Variants in FUNDC2 observed in about 807,000 individuals in gnomAD.
The protein encoded by FUNDC2 is FUN14 domain-containing protein 2.
In FUNDC2, 4 loss-of-function variants were observed where a neutral mutation model predicts 15.6. The observed-to-expected ratio is 0.26, with a 90% CI of 0.13 to 0.59. FUNDC2 has a LOEUF of 0.59. FUNDC2 is among the 20% of genes least tolerant of loss of function. The pLI is 0.90. For synonymous variants in FUNDC2, 44 were observed against 56.9 expected, an observed-to-expected ratio of 0.77 and a Z score of 1.02; for missense variants, 98 against 149.7, an observed-to-expected ratio of 0.65 and a Z score of 1.80.
chrX:155,037,629 G>A (rs1419208117), intron 2 of FUNDC2, among the ~76,000 whole-genome samples: 1 of 110,236 alleles, frequency 9.1e-6, no homozygotes, highest in African/African-American at 3.3e-5. Context: ...GACTACAGGC[G>A]TGAACCATCA....
chrX:155,039,240 A>G lies in FUNDC2; in HGVS notation c.284+5687A>G, dbSNP rs782575333. Among the ~76,000 whole-genome samples the G allele has an allele frequency of 3.6e-5, 4 of 112,244 alleles. No homozygotes were observed. In the South Asian group the frequency reaches 1.1e-3, roughly 31 times the overall value. On this transcript the variant is annotated intron_variant, in intron 2 of 4. Coordinates refer to ENST00000369498, the MANE Select transcript of FUNDC2 (RefSeq NM_023934.4). The stretch of plus-strand genomic sequence containing the variant: ...ACAATTGAGTTGTTTAATCCCTTGT[A>G]TATCTTTTATATTAATCTCTTATCA...
At chrX:155,040,443 C>T (rs1262901572) in intron 2 of FUNDC2, among the ~76,000 whole-genome samples, 29 of 111,655 alleles carry the variant, frequency 2.6e-4, no homozygotes, top group African/African-American at 9.1e-4. Context: ...GCTGAACTTT[C>T]GTGTTTGGCT....
chrX:155,044,458 G>C (rs782556666), intron 2 of FUNDC2, among the ~76,000 whole-genome samples: 1 of 111,908 alleles, frequency 8.9e-6, no homozygotes, highest in African/African-American at 3.2e-5. Context: ...GGAAAACCAA[G>C]AGAGAATGGT....
At chrX:155,028,155 G>A (rs2073802271) in intron 1 of FUNDC2, among the ~76,000 whole-genome samples, 1 of 83,127 alleles carries the variant, frequency 1.2e-5, no homozygotes, top group South Asian at 5.7e-4. Flanking sequence ...ATTGTTGTGA[G>A]AAATTTTGAG....
intron 3 of FUNDC2, chrX:155,047,001 T>C: frequency 4.8e-6 from 1 of 209,900 alleles, no homozygotes; most frequent in Non-Finnish European, 8.9e-6. Flanking sequence ...TACAGTCAGA[T>C]GTCGTCTGCT....
intron 3 of FUNDC2, 94 bp from the exon 4 acceptor site, chrX:155,051,575 GA>G: frequency 2.1e-6 from 2 of 958,747 alleles, no homozygotes; most frequent in Middle Eastern, 7.7e-4. Flanking sequence ...TGGAAAGTCA[GA>G]GGGTTTCGAG....
intron 4 of FUNDC2, among the ~76,000 whole-genome samples, chrX:155,052,910 A>C (rs1411701310): frequency 8.9e-6 from 1 of 112,557 alleles, no homozygotes; most frequent in African/African-American, 3.2e-5. Flanking sequence ...GAGAGGTCTC[A>C]CTCTGTTGCC....
chrX:155,039,739 C>CTA (rs782050674), intron 2 of FUNDC2, among the ~76,000 whole-genome samples: 167 of 112,101 alleles, frequency 1.5e-3, no homozygotes, highest in African/African-American at 5.2e-3. Context: ...GTTTTGGTTA[C>CTA]TATAGCTTTG....
Position 155,029,805 on chromosome X carries a change from G to A in FUNDC2, c.133+2734G>A, listed in dbSNP as rs782711377. Among the ~76,000 whole-genome samples the A allele has an allele frequency of 5.5e-5, 6 of 109,127 alleles. No individual in the cohort carries two copies. In the East Asian group the frequency reaches 1.7e-3, roughly 31 times the overall value. The allele number at this position is 109,127 out of a possible 115,157, so 94.8% of individuals were successfully genotyped here. A position where few individuals can be genotyped will look rare whatever the true frequency, so the allele number is the denominator to read the frequency against. ...AAAAACCTACTTTTTAATTGAGATTGTATTGAATATATAGATCAATATATG... is the reference window on the plus strand; with the variant it reads ...AAAAACCTACTTTTTAATTGAGATTATATTGAATATATAGATCAATATATG... On this transcript the variant is annotated intron_variant, in intron 1 of 4. Coordinates refer to ENST00000369498, the MANE Select transcript of FUNDC2 (RefSeq NM_023934.4).
intron 4 of FUNDC2, among the ~76,000 whole-genome samples, chrX:155,052,723 A>C (rs1557290582): frequency 8.9e-6 from 1 of 112,205 alleles, no homozygotes; most frequent in African/African-American, 3.2e-5. Flanking sequence ...AGAGATGGGT[A>C]TCTACAGGAG....
At chrX:155,027,182 A>C in intron 1 of FUNDC2, 111 bp downstream of exon 1, 1 of 856,611 alleles carries the variant, frequency 1.2e-6, no homozygotes, top group Non-Finnish European at 1.5e-6. Flanking sequence ...GGGGAGTCCA[A>C]GCGGCGCGGG....
Position 155,057,681 on chromosome X carries a change from T to C in FUNDC2, c.*3009T>C, listed in dbSNP as rs1213665712. Reference sequence around the variant, plus strand: ...TCAGGGACCCCTTCTGTCCCCTTCCTGGCTACTATGGGTCGGCCCTGCGTC... The same window carrying C: ...TCAGGGACCCCTTCTGTCCCCTTCCCGGCTACTATGGGTCGGCCCTGCGTC... On this transcript the variant is annotated 3_prime_UTR_variant, in exon 5 of 5. Coordinates refer to ENST00000369498, the MANE Select transcript of FUNDC2 (RefSeq NM_023934.4). The C allele has an allele frequency of 8.9e-6, 1 of 112,063 alleles. No homozygotes were observed. The highest frequency in any genetic ancestry group is 2.8e-4 in the East Asian group (1 of 3,554). 9.2% of individuals were successfully genotyped at this position (112,063 alleles called of 1,213,427 possible).
chrX:155,030,473 T>G, intron 1 of FUNDC2, among the ~76,000 whole-genome samples: 1 of 109,884 alleles, frequency 9.1e-6, no homozygotes, highest in East Asian at 2.8e-4. Flanking sequence ...CCCAGAAGTT[T>G]GAAGTTGCAG....
chrX:155,027,729 C>T (rs782465541), intron 1 of FUNDC2, among the ~76,000 whole-genome samples: 2 of 111,866 alleles, frequency 1.8e-5, no homozygotes, highest in Non-Finnish European at 3.8e-5. Context: ...ACTAAAAACT[C>T]ATCACTTTTA....
intron 4 of FUNDC2, chrX:155,054,155 C>T (rs2073886836): frequency 8.0e-6 from 6 of 753,804 alleles, no homozygotes; most frequent in African/African-American, 6.9e-5. Flanking sequence ...GGAGAGACTT[C>T]AGGAAATGAG....
In FUNDC2 at chrX:155,057,404, A is replaced by AGAG. The variant is rs1303681402; in HGVS notation, c.*2733_*2735dup. Reference sequence around the variant, plus strand: ...CTAGGCACGTATTTTCTCCAGTAGCAGAGTCCAATGACGCTCTGGACTTCC... The same window carrying AGAG: ...CTAGGCACGTATTTTCTCCAGTAGCAGAGGAGTCCAATGACGCTCTGGACTTCC... On this transcript the variant is annotated 3_prime_UTR_variant, in exon 5 of 5. Coordinates refer to ENST00000369498, the MANE Select transcript of FUNDC2 (RefSeq NM_023934.4). 1 of 111,445 alleles carries AGAG rather than the reference A, an allele frequency of 9.0e-6. No individual in the cohort carries two copies. Among genetic ancestry groups the AGAG allele is most frequent in the South Asian group, 3.7e-4 (1 of 2,685 alleles). 9.2% of individuals were successfully genotyped at this position (111,445 alleles called of 1,213,427 possible). A position where few individuals can be genotyped will look rare whatever the true frequency, so the allele number is the denominator to read the frequency against.
intron 1 of FUNDC2, among the ~76,000 whole-genome samples, chrX:155,030,031 C>T (rs1202626725): frequency 9.0e-6 from 1 of 111,016 alleles, no homozygotes; most frequent in East Asian, 2.8e-4. Flanking sequence ...TTTTCCAATT[C>T]ATCATTTCTA....
intron 1 of FUNDC2, among the ~76,000 whole-genome samples, chrX:155,030,369 A>AG: frequency 1.0e-5 from 1 of 96,249 alleles, no homozygotes; most frequent in East Asian, 3.1e-4. Flanking sequence ...CCTGTCTACA[A>AG]AAAAAAAAAA....
At chrX:155,031,466 A>G (rs1557288734) in intron 1 of FUNDC2, among the ~76,000 whole-genome samples, 2 of 111,388 alleles carry the variant, frequency 1.8e-5, no homozygotes, top group African/African-American at 6.5e-5. Flanking sequence ...AGTAGCTGGG[A>G]CTACAGGCAC....
Sources: gnomAD v4.1 joint callset for allele counts (sites outside exome capture counted in the v4.1 genomes callset) on GRCh38, gnomAD v4.1.1 for gene constraint, MANE v1.5 for transcripts, NCBI Gene and HGNC (gene_info 2026-07-23, HGNC 2026-07-21) for gene names.